Variants in GALNTL6 observed in about 807,000 individuals in gnomAD.
GALNTL6 encodes the protein polypeptide N-acetylgalactosaminyltransferase-like 6.
Under a neutral mutation model 73.7 loss-of-function variants are expected in GALNTL6, and 46 were observed. That is an observed-to-expected ratio of 0.62 (90% CI 0.49 to 0.80). The LOEUF (loss-of-function observed/expected upper bound fraction) is 0.80, where lower values mean the gene tolerates loss of function less well. Ranked by LOEUF, GALNTL6 falls within the 30% of genes least tolerant of loss-of-function variation. The probability of loss-of-function intolerance (pLI) is 0.00; values close to 1 mark genes in which losing one functional copy is unlikely to be tolerated. For synonymous variants in GALNTL6, 259 were observed against 263.7 expected (o/e 0.98, Z 0.17); for missense variants, 604 against 755.0 (o/e 0.80, Z 2.34).
intron 5 of GALNTL6, among the ~76,000 whole-genome samples, chr4:172,769,870 T>C (rs914193605): frequency 6.6e-6 from 1 of 152,238 alleles, no homozygotes; most frequent in Non-Finnish European, 1.5e-5. Context: ...AATCCCAACT[T>C]TTCTCTTACA....
At chr4:172,914,096 A>G (rs972950078) in intron 8 of GALNTL6, among the ~76,000 whole-genome samples, 1 of 152,260 alleles carries the variant, frequency 6.6e-6, no homozygotes, top group Non-Finnish European at 1.5e-5. Context: ...CCAATATTCA[A>G]CATTCTTAAA....
intron 5 of GALNTL6, among the ~76,000 whole-genome samples, chr4:172,546,806 A>ATGTGTATATATATG (rs1554034205): frequency 5.0e-5 from 5 of 99,090 alleles, no homozygotes; most frequent in African/African-American, 7.9e-5. Flanking sequence ...ACGTATATAT[A>ATGTGTATATATATG]CGTATATATA....
intron 5 of GALNTL6, among the ~76,000 whole-genome samples, chr4:172,691,644 C>T (rs1376972087): frequency 6.6e-6 from 1 of 152,194 alleles, no homozygotes; most frequent in Admixed American, 6.5e-5. Flanking sequence ...GATGACTCTG[C>T]CCCTAGGCTT....
intron 2 of GALNTL6, among the ~76,000 whole-genome samples, chr4:171,860,637 G>A (rs1735807561): frequency 6.6e-6 from 1 of 152,188 alleles, no homozygotes; most frequent in Non-Finnish European, 1.5e-5. Context: ...GGAAATGACA[G>A]ATTTTGAGGA....
chr4:172,536,575 G>A (rs1735352532), intron 5 of GALNTL6, among the ~76,000 whole-genome samples: 1 of 152,136 alleles, frequency 6.6e-6, no homozygotes, highest in Non-Finnish European at 1.5e-5. Context: ...AGAGATCTGT[G>A]GAACTTTGAA....
intron 2 of GALNTL6, among the ~76,000 whole-genome samples, chr4:171,818,699 G>A (rs922050512): frequency 3.3e-5 from 5 of 151,610 alleles, no homozygotes; most frequent in Non-Finnish European, 7.4e-5. Flanking sequence ...ATAACAAGAT[G>A]AATAAAGTCC....
intron 2 of GALNTL6, among the ~76,000 whole-genome samples, chr4:171,899,532 T>C (rs1381253927): frequency 1.3e-5 from 2 of 152,140 alleles, no homozygotes; most frequent in African/African-American, 4.8e-5. Flanking sequence ...GATATTAAAA[T>C]AGATGGCAAA....
chr4:172,207,940 G>A (rs1477733019), intron 2 of GALNTL6, among the ~76,000 whole-genome samples: 9 of 152,114 alleles, frequency 5.9e-5, no homozygotes, highest in East Asian at 3.9e-4. Flanking sequence ...AATCTTTCCT[G>A]TACTCCATGT....
chr4:172,883,646 G>T (rs1745571795), intron 8 of GALNTL6, among the ~76,000 whole-genome samples: 1 of 152,134 alleles, frequency 6.6e-6, no homozygotes, highest in Non-Finnish European at 1.5e-5. Flanking sequence ...CAACACTGGG[G>T]GCCACATTTT....
intron 5 of GALNTL6, among the ~76,000 whole-genome samples, chr4:172,592,713 T>G (rs1003035669): frequency 1.4e-4 from 22 of 151,734 alleles, no homozygotes; most frequent in Admixed American, 5.2e-4. Context: ...TCTATCTATC[T>G]ATCGAGAGAG....
chr4:172,461,991 A>G (rs373959209), intron 5 of GALNTL6, among the ~76,000 whole-genome samples: 2 of 152,258 alleles, frequency 1.3e-5, no homozygotes, highest in East Asian at 3.9e-4. Context: ...CTAAATAGAA[A>G]AAAAAGGCAG....
At chr4:172,973,644 AGAG>A (rs1750675026) in intron 10 of GALNTL6, among the ~76,000 whole-genome samples, 2 of 152,244 alleles carry the variant, frequency 1.3e-5, no homozygotes, top group Admixed American at 6.5e-5. Flanking sequence ...ATAAGTGAAA[AGAG>A]ATATTTTAGA....
At chr4:171,997,297 A>T (rs1740522921) in intron 2 of GALNTL6, among the ~76,000 whole-genome samples, 1 of 152,128 alleles carries the variant, frequency 6.6e-6, no homozygotes, top group Admixed American at 6.6e-5. Flanking sequence ...GGATTCCATT[A>T]TCCATGATTT....
At position 172,193,528 on chromosome 4, in the gene GALNTL6, G is replaced by A. The variant is rs1189923818; in HGVS notation, c.139-36128G>A. Among the ~76,000 whole-genome samples, 4 of 149,898 alleles carry A rather than the reference G, an allele frequency of 2.7e-5. No individual in the cohort carries two copies. In the Admixed American group the frequency reaches 2.7e-4, roughly 10 times the overall value. ...ATACCCCACAAAAACCCACCCAAAG[G>A]TCAGCAGCCTCAAAGATTGAAGGTA... On this transcript the variant is annotated intron_variant, in intron 2 of 12. Transcript: ENST00000506823.
intron 7 of GALNTL6, among the ~76,000 whole-genome samples, chr4:172,845,582 A>G (rs542670634): frequency 6.6e-6 from 1 of 152,326 alleles, no homozygotes; most frequent in South Asian, 2.1e-4. Context: ...TTCAAAAATC[A>G]TTGAGACTAA....
At chr4:172,210,581 G>A (rs750676314) in intron 2 of GALNTL6, among the ~76,000 whole-genome samples, 27 of 152,096 alleles carry the variant, frequency 1.8e-4, no homozygotes, top group Admixed American at 1.3e-4. Context: ...AAAGACTACT[G>A]AGGTAAAGTG....
chr4:172,552,174 C>T (rs1043305923), intron 5 of GALNTL6, among the ~76,000 whole-genome samples: 19 of 152,004 alleles, frequency 1.2e-4, no homozygotes, highest in East Asian at 3.9e-4. Context: ...TCAATAGATA[C>T]GTATCTTTTT....
intron 2 of GALNTL6, chr4:172,052,583 G>C: frequency 1.6e-6 from 2 of 1,273,800 alleles, no homozygotes; most frequent in Non-Finnish European, 2.2e-6. Flanking sequence ...AAGATAGGGT[G>C]GTTCGTCTCA....
intron 5 of GALNTL6, among the ~76,000 whole-genome samples, chr4:172,721,180 A>G (rs1735451287): frequency 6.6e-6 from 1 of 152,244 alleles, no homozygotes. Context: ...GTCACTTATT[A>G]GTCAATAATA....
Sources: allele counts gnomAD v4.1 joint callset (sites outside exome capture counted in the v4.1 genomes callset), GRCh38; gene constraint gnomAD v4.1.1; transcripts MANE v1.5; gene names NCBI Gene and HGNC (gene_info 2026-07-23, HGNC 2026-07-21).